The following CSMD1 variants were observed in gnomAD, a reference collection of about 807,000 sequenced individuals.
CSMD1 encodes CUB and Sushi multiple domains 1.
Under a neutral mutation model 417.5 loss-of-function variants are expected in CSMD1, and 213 were observed. The ratio of observed to expected loss-of-function variants is 0.51; its 90% CI spans 0.46 to 0.57. The LOEUF (loss-of-function observed/expected upper bound fraction) is 0.57. Ranked by LOEUF, CSMD1 falls within the 20% of genes least tolerant of loss-of-function variation. The probability of loss-of-function intolerance (pLI) is 0.00; values close to 1 mark genes in which losing one functional copy is unlikely to be tolerated. For missense variants in CSMD1, 6,923 were observed against 4,529.7 expected (o/e 1.53, Z -15.17); for synonymous variants, 2,862 against 1,736.8 (o/e 1.65, Z -16.11).
chr8:3,174,118 T>C (rs887228670), intron 37 of CSMD1, among the ~76,000 whole-genome samples: 4 of 152,242 alleles, frequency 2.6e-5, no homozygotes, highest in African/African-American at 9.6e-5. Flanking sequence ...AGTAATATTC[T>C]ATTGACCAGT....
intron 3 of CSMD1, among the ~76,000 whole-genome samples, chr8:4,162,579 T>C (rs1017951143): frequency 1.3e-4 from 20 of 152,152 alleles, no homozygotes; most frequent in African/African-American, 4.6e-4. Flanking sequence ...TTTTTAAATA[T>C]AGATTTTATA....
intron 15 of CSMD1, among the ~76,000 whole-genome samples, chr8:3,405,456 A>C (rs1170972706): frequency 6.6e-6 from 1 of 152,210 alleles, no homozygotes; most frequent in Non-Finnish European, 1.5e-5. Context: ...CAAGAACAAC[A>C]AAATAGTTAA....
intron 3 of CSMD1, among the ~76,000 whole-genome samples, chr8:4,145,099 G>T (rs953168329): frequency 6.6e-6 from 1 of 151,042 alleles, no homozygotes; most frequent in African/African-American, 2.5e-5. Context: ...AATGTAACTT[G>T]GTTAAGAATA....
At chr8:4,065,249 A>C (rs1799184277) in intron 3 of CSMD1, among the ~76,000 whole-genome samples, 1 of 152,230 alleles carries the variant, frequency 6.6e-6, no homozygotes, top group Non-Finnish European at 1.5e-5. Context: ...CAGTGCAGTT[A>C]ACATTTCAAG....
intron 25 of CSMD1, among the ~76,000 whole-genome samples, chr8:3,295,738 G>A (rs10089894): frequency 0.52 from 79,216 of 151,974 alleles, 22,054 homozygotes; most frequent in Middle Eastern, 0.69. Flanking sequence ...CCTGATTACC[G>A]TCAGACTAAG....
At chr8:3,858,602 A>G (rs1804474877) in intron 5 of CSMD1, among the ~76,000 whole-genome samples, 2 of 152,186 alleles carry the variant, frequency 1.3e-5, no homozygotes, top group African/African-American at 4.8e-5. Flanking sequence ...AATTTTCACC[A>G]AGTTCTCGAA....
intron 1 of CSMD1, among the ~76,000 whole-genome samples, chr8:4,887,422 G>T (rs1033702804): frequency 6.6e-6 from 1 of 152,018 alleles, no homozygotes; most frequent in African/African-American, 2.4e-5. Flanking sequence ...CTGCAAATGA[G>T]AACCGAGGTA....
At chr8:2,939,828 G>A (rs576703881) in intron 69 of CSMD1, among the ~76,000 whole-genome samples, 2 of 152,220 alleles carry the variant, frequency 1.3e-5, no homozygotes, top group Non-Finnish European at 2.9e-5. Flanking sequence ...AGCAGTGATC[G>A]TTAGCAAACA....
intron 1 of CSMD1, among the ~76,000 whole-genome samples, chr8:4,914,308 G>A (rs1805906633): frequency 6.6e-6 from 1 of 152,130 alleles, no homozygotes; most frequent in Admixed American, 6.5e-5. Context: ...CGGGTGCGGT[G>A]GCTCACACCT....
At chr8:3,255,704 A>T (rs1800600286) in intron 26 of CSMD1, among the ~76,000 whole-genome samples, 1 of 152,164 alleles carries the variant, frequency 6.6e-6, no homozygotes, top group Non-Finnish European at 1.5e-5. Context: ...GCCGTTTGCT[A>T]AGCCCATTGG....
At chr8:3,582,553 TA>T (rs1216587449) in intron 9 of CSMD1, among the ~76,000 whole-genome samples, 2 of 152,178 alleles carry the variant, frequency 1.3e-5, no homozygotes, top group African/African-American at 4.8e-5. Flanking sequence ...AAGAAAATCA[TA>T]ACTGTAAATG....
At chr8:4,283,910 A>T (rs1796920993) in intron 3 of CSMD1, among the ~76,000 whole-genome samples, 1 of 152,152 alleles carries the variant, frequency 6.6e-6, no homozygotes, top group African/African-American at 2.4e-5. Context: ...TCATCCTAGA[A>T]TGTTTGCAAA....
intron 3 of CSMD1, among the ~76,000 whole-genome samples, chr8:4,304,415 C>T (rs950776552): frequency 6.6e-6 from 1 of 152,132 alleles, no homozygotes; most frequent in Non-Finnish European, 1.5e-5. Flanking sequence ...CTAAGAGCGA[C>T]AGAAGGTGAA....
At chr8:3,250,279 A>G (rs565663908) in intron 26 of CSMD1, among the ~76,000 whole-genome samples, 49 of 152,230 alleles carry the variant, frequency 3.2e-4, no homozygotes, top group Admixed American at 7.8e-4. Flanking sequence ...TCATTGTTCA[A>G]TTCCCACCTA....
intron 63 of CSMD1, among the ~76,000 whole-genome samples, chr8:2,956,344 C>T (rs1803006957): frequency 6.6e-6 from 1 of 151,980 alleles, no homozygotes; most frequent in Admixed American, 6.6e-5. Flanking sequence ...GTGATGTATA[C>T]TCTATATCTC....
chr8:4,007,354 C>T (rs1816205984), intron 4 of CSMD1, among the ~76,000 whole-genome samples: 1 of 152,194 alleles, frequency 6.6e-6, no homozygotes, highest in Non-Finnish European at 1.5e-5. Flanking sequence ...TCCTCTTTTC[C>T]TCACTGGGTC....
intron 1 of CSMD1, among the ~76,000 whole-genome samples, chr8:4,643,151 A>G (rs1359264328): frequency 6.6e-6 from 1 of 152,220 alleles, no homozygotes; most frequent in African/African-American, 2.4e-5. Flanking sequence ...AACATCAAAA[A>G]CAGCCTTTGT....
chr8:3,312,826 T>C (rs1239338838), intron 23 of CSMD1, among the ~76,000 whole-genome samples: 1 of 152,096 alleles, frequency 6.6e-6, no homozygotes, highest in Non-Finnish European at 1.5e-5. Context: ...CAATCTGGTG[T>C]TTCAGACACT....
intron 5 of CSMD1, among the ~76,000 whole-genome samples, chr8:3,972,607 T>G (rs1429607629): frequency 1.3e-5 from 2 of 152,208 alleles, no homozygotes; most frequent in African/African-American, 2.4e-5. Context: ...TTATTTTTAA[T>G]GTACTACTAA....
Sources: gnomAD v4.1 joint callset for allele counts (sites outside exome capture counted in the v4.1 genomes callset) on GRCh38, gnomAD v4.1.1 for gene constraint, MANE v1.5 for transcripts, NCBI Gene and HGNC (gene_info 2026-07-23, HGNC 2026-07-21) for gene names.